Variants in TENM2 observed in about 807,000 individuals in gnomAD.
TENM2 encodes teneurin transmembrane protein 2, also known as teneurin-2.
A neutral mutation model predicts 245.2 loss-of-function variants in TENM2; 52 were observed. The observed-to-expected ratio is 0.21, with a 90% CI of 0.17 to 0.27. The LOEUF (loss-of-function observed/expected upper bound fraction) is 0.27, where lower values mean the gene tolerates loss of function less well. TENM2 is among the 10% of genes least tolerant of loss of function. TENM2 has a pLI of 1.00. For synonymous variants in TENM2, 1,363 were observed against 1,438.9 expected (o/e 0.95, Z 1.19); for missense variants, 3,046 against 3,666.8 (o/e 0.83, Z 4.37).
chr5:167,806,649 C>A (rs1766198722), intron 2 of TENM2, among the ~76,000 whole-genome samples: 1 of 152,068 alleles, frequency 6.6e-6, no homozygotes, highest in Non-Finnish European at 1.5e-5. Flanking sequence ...ATCATGCTTA[C>A]TTGTGACATC....
At chr5:167,799,051 G>A (rs753518012) in intron 2 of TENM2, among the ~76,000 whole-genome samples, 2 of 152,136 alleles carry the variant, frequency 1.3e-5, no homozygotes, top group Non-Finnish European at 2.9e-5. Context: ...TAACATCCAA[G>A]GGGACTGCAT....
intron 2 of TENM2, among the ~76,000 whole-genome samples, chr5:167,494,785 G>A (rs753490501): frequency 5.9e-5 from 9 of 151,918 alleles, no homozygotes; most frequent in African/African-American, 9.7e-5. Flanking sequence ...GTCTACCTTA[G>A]TCTGTTATGA....
chr5:167,612,683 T>A (rs1001140417), intron 2 of TENM2, among the ~76,000 whole-genome samples: 1 of 152,154 alleles, frequency 6.6e-6, no homozygotes, highest in Non-Finnish European at 1.5e-5. Context: ...ACTGTTATCA[T>A]ACATTGACTA....
chr5:167,502,731 G>C (rs565647756), intron 2 of TENM2, among the ~76,000 whole-genome samples: 1 of 152,232 alleles, frequency 6.6e-6, no homozygotes, highest in South Asian at 2.1e-4. Flanking sequence ...AGCCCCTTTG[G>C]GATCTACTGT....
At chr5:167,791,792 T>TAAAAACAAAA (rs1764993570) in intron 2 of TENM2, among the ~76,000 whole-genome samples, 1 of 151,992 alleles carries the variant, frequency 6.6e-6, no homozygotes, top group African/African-American at 2.4e-5. Flanking sequence ...ACATCTAGAT[T>TAAAAACAAAA]TCCAATTGCT....
chr5:167,214,234 A>G, the TENM2 span, among the ~76,000 whole-genome samples: 1 of 152,182 alleles, frequency 6.6e-6, no homozygotes, highest in Non-Finnish European at 1.5e-5. Context: ...TTCATATTGC[A>G]TATACTCCTA....
chr5:167,945,772 C>T (rs749634712), intron 3 of TENM2, among the ~76,000 whole-genome samples: 12 of 152,178 alleles, frequency 7.9e-5, no homozygotes, highest in Admixed American at 6.5e-5. Context: ...AAGCACAGCC[C>T]TTTCTTTCTC....
intron 2 of TENM2, among the ~76,000 whole-genome samples, chr5:167,864,049 C>T (rs1231420116): frequency 6.6e-6 from 1 of 152,072 alleles, no homozygotes; most frequent in Non-Finnish European, 1.5e-5. Flanking sequence ...GGTAGACTCC[C>T]AAGGCATATA....
intron 2 of TENM2, among the ~76,000 whole-genome samples, chr5:167,619,156 T>A (rs2127766177): frequency 6.6e-6 from 1 of 152,270 alleles, no homozygotes; most frequent in South Asian, 2.1e-4. Context: ...GTTTTTGTTT[T>A]GGTTTTCTAT....
At chr5:167,799,152 C>G (rs753004753) in intron 2 of TENM2, among the ~76,000 whole-genome samples, 148 of 152,302 alleles carry the variant, frequency 9.7e-4, no homozygotes, top group Admixed American at 4.1e-3. Flanking sequence ...GGCTTATGAC[C>G]CGATATTCTG....
chr5:168,229,366 C>CACTT (rs1764613127), intron 25 of TENM2, among the ~76,000 whole-genome samples: 1 of 152,120 alleles, frequency 6.6e-6, no homozygotes, highest in Non-Finnish European at 1.5e-5. Context: ...CTGCTCCAGT[C>CACTT]ACTTATCTGT....
chr5:167,949,369 G>A (rs979160191), intron 3 of TENM2, among the ~76,000 whole-genome samples: 10 of 152,104 alleles, frequency 6.6e-5, no homozygotes, highest in African/African-American at 2.4e-4. Context: ...ATAATATTCA[G>A]CTTGAGGGCT....
intron 2 of TENM2, among the ~76,000 whole-genome samples, chr5:167,590,107 A>G (rs955224558): frequency 2.4e-5 from 2 of 84,962 alleles, no homozygotes; most frequent in Admixed American, 1.3e-4. Context: ...GCTTGATTAC[A>G]TTTTTCTTAA....
intron 1 of TENM2, among the ~76,000 whole-genome samples, chr5:167,298,887 T>C (rs1306973560): frequency 6.6e-6 from 1 of 151,894 alleles, no homozygotes; most frequent in African/African-American, 2.4e-5. Context: ...TTGAGAACGG[T>C]GAATAGGAGT....
the TENM2 span, among the ~76,000 whole-genome samples, chr5:167,117,970 C>A: frequency 6.6e-6 from 1 of 152,166 alleles, no homozygotes; most frequent in Non-Finnish European, 1.5e-5. Flanking sequence ...ACACCATGGG[C>A]AAAGGAAACA....
intron 2 of TENM2, among the ~76,000 whole-genome samples, chr5:167,845,435 G>A (rs922240559): frequency 2.6e-5 from 4 of 152,006 alleles, no homozygotes; most frequent in African/African-American, 9.7e-5. Context: ...CATTAATGTC[G>A]CAGCTCAGAA....
intron 2 of TENM2, among the ~76,000 whole-genome samples, chr5:167,440,325 A>C (rs1238878487): frequency 6.6e-6 from 1 of 152,210 alleles, no homozygotes. Context: ...GAACTAGGAC[A>C]ATGATCCTAA....
At chr5:167,217,645 C>T in the TENM2 span, among the ~76,000 whole-genome samples, 1 of 150,198 alleles carries the variant, frequency 6.7e-6, no homozygotes, top group Non-Finnish European at 1.5e-5. Flanking sequence ...AAGTGGTTTC[C>T]AAATGGCATT....
chr5:167,886,231 C>T (rs1490607948), intron 3 of TENM2, among the ~76,000 whole-genome samples: 2 of 152,042 alleles, frequency 1.3e-5, no homozygotes, highest in Non-Finnish European at 2.9e-5. Flanking sequence ...TTAAGCAGTA[C>T]AAGAACTTGA....
Sources: allele counts gnomAD v4.1 joint callset (sites outside exome capture counted in the v4.1 genomes callset), GRCh38; gene constraint gnomAD v4.1.1; transcripts MANE v1.5; gene names NCBI Gene and HGNC (gene_info 2026-07-23, HGNC 2026-07-21).